Variants in MAT2A observed in about 807,000 individuals in gnomAD.
MAT2A encodes S-adenosylmethionine synthase isoform type-2.
A neutral mutation model predicts 43.9 loss-of-function variants in MAT2A; 3 were observed. The ratio of observed to expected loss-of-function variants is 0.07; its 90% CI spans 0.03 to 0.18. The LOEUF (loss-of-function observed/expected upper bound fraction) is 0.18. Among genes scored for constraint, MAT2A ranks in the 10% least tolerant of loss-of-function variants. The probability of loss-of-function intolerance (pLI) is 1.00; values close to 1 mark genes in which losing one functional copy is unlikely to be tolerated. For missense variants in MAT2A, 204 were observed against 489.0 expected (o/e 0.42, Z 5.50); for synonymous variants, 200 against 168.4 (o/e 1.19, Z -1.45).
In MAT2A at chr2:85,539,308, C is replaced by G. The variant is rs1375245079; in HGVS notation, c.21C>G (p.Gly7=). Reference sequence around the variant, plus strand: ...CCAACATGAACGGACAGCTCAACGGCTTCCACGAGGCGTTCATCGAGGAGG... The same window carrying G: ...CCAACATGAACGGACAGCTCAACGGGTTCCACGAGGCGTTCATCGAGGAGG... MNGQLN[G]FHEAFIEEGT... is the part of the protein sequence containing the mutation. Residue 7 remains glycine, a synonymous_variant, in exon 1 of 9, where the codon GGC becomes GGG. Transcript: ENST00000306434. 2.5e-6 allele frequency: 4 copies of G among 1,605,708 alleles called. 1 individual carries two copies. In the South Asian group the frequency reaches 3.3e-5, roughly 13 times the overall value.
At chr2:85,539,451 G>T in intron 1 of MAT2A, 73 bp downstream of exon 1, 1 of 1,247,756 alleles carries the variant, frequency 8.0e-7, no homozygotes, top group Non-Finnish European at 1.1e-6. Flanking sequence ...GCTGCGGCCG[G>T]CCGGTGGTGG....
intron 5 of MAT2A, 33 bp downstream of exon 5, chr2:85,542,005 T>G (rs371551328): frequency 1.9e-6 from 3 of 1,605,768 alleles, no homozygotes; most frequent in Non-Finnish European, 2.6e-6. Context: ...GGTTGTCTCA[T>G]TTATTACATC....
At chr2:85,539,725 TC>T (rs1691413875) in intron 1 of MAT2A, 1 of 173,738 alleles carries the variant, frequency 5.8e-6, no homozygotes, top group Non-Finnish European at 1.2e-5. Context: ...GGCCCTGCCG[TC>T]TGACAAACCT....
In MAT2A at chr2:85,539,455, G is replaced by T. The variant is rs1026697988; in HGVS notation, c.91+77G>T. 9 of 1,202,478 alleles carry T rather than the reference G, an allele frequency of 7.5e-6. 1 individual carries two copies. The highest frequency in any genetic ancestry group is 1.0e-5 in the Non-Finnish European group (9 of 868,622). 74.5% of individuals were successfully genotyped at this position (1,202,478 alleles called of 1,614,324 possible). A position where few individuals can be genotyped will look rare whatever the true frequency, so the allele number is the denominator to read the frequency against. On this transcript the variant is annotated intron_variant, in intron 1 of 8. Coordinates refer to ENST00000306434, the MANE Select transcript of MAT2A (RefSeq NM_005911.6). ...AGGTCCGGCTGGCTGCGGCCGGCCG[G>T]TGGTGGGGCCCGCGCGGGTCGTCCT...
chr2:85,540,045 C>T (rs1691426639), intron 1 of MAT2A: 4 of 152,284 alleles, frequency 2.6e-5, no homozygotes, highest in Admixed American at 2.6e-4. Context: ...AGAAGGCAGT[C>T]CTTATTTGGA....
At chr2:85,539,923 C>G (rs1573306912) in intron 1 of MAT2A, 1 of 153,428 alleles carries the variant, frequency 6.5e-6, no homozygotes, top group Non-Finnish European at 1.5e-5. Flanking sequence ...TCTGGCTCCA[C>G]TGCCTCAGTG....
intron 8 of MAT2A, chr2:85,543,375 G>A (rs1252910367): frequency 1.4e-5 from 6 of 416,202 alleles, no homozygotes; most frequent in South Asian, 1.3e-4. Flanking sequence ...TGTGGGCGGC[G>A]GGACCTTGGT....
rs1221427859 is a variant in MAT2A, at chr2:85,542,246, G to T, written c.641G>T (p.Cys214Phe). The part of the protein sequence containing the change: ...VISVQHDEEV[C>F]LDEMRDALKE... ...TCTGTTCAGCATGATGAAGAGGTTT[G>T]TCTTGATGAAATGAGGGATGCCCTA... The change falls in exon 6 of 9, where the codon TGT becomes TTT. Residue 214 changes from cysteine (C) to phenylalanine (F), a missense_variant. Transcript: ENST00000306434. 6.2e-7 allele frequency: 1 copy of T among 1,614,154 alleles called. No individual in the cohort carries two copies.
In MAT2A at chr2:85,544,236, T is replaced by C. The variant is rs1691551530; in HGVS notation, c.*464T>C. On this transcript the variant is annotated 3_prime_UTR_variant, in exon 9 of 9. Coordinates refer to ENST00000306434, the MANE Select transcript of MAT2A (RefSeq NM_005911.6). ...GAATTTGTAATGTCTTGAGCTCTATTATGAATGTGAAGCCTTCCCCTTATC... is the reference window on the plus strand; with the variant it reads ...GAATTTGTAATGTCTTGAGCTCTATCATGAATGTGAAGCCTTCCCCTTATC... 2 of 153,018 alleles carry C rather than the reference T, an allele frequency of 1.3e-5. No individual in the cohort carries two copies. The highest frequency in any genetic ancestry group is 6.5e-5 in the Admixed American group (1 of 15,282). The allele number at this position is 153,018 out of a possible 1,614,324, so 9.5% of individuals were successfully genotyped here. A position where few individuals can be genotyped will look rare whatever the true frequency, so the allele number is the denominator to read the frequency against.
chr2:85,539,325 T>C lies in MAT2A; in HGVS notation c.38T>C (p.Ile13Thr). Reference sequence around the variant, plus strand: ...CTCAACGGCTTCCACGAGGCGTTCATCGAGGAGGGCACATTCCTTTTCACC... The same window carrying C: ...CTCAACGGCTTCCACGAGGCGTTCACCGAGGAGGGCACATTCCTTTTCACC... ...GQLNGFHEAF[I>T]EEGTFLFTSE... is the part of the protein sequence containing the mutation. The change falls in exon 1 of 9, where the codon ATC becomes ACC. Residue 13 changes from isoleucine (I) to threonine (T), a missense_variant. By Grantham distance (89) the Ile-to-Thr change is moderately conservative. This residue lies in a region of MAT2A where 36 missense variants were observed against 24.2 expected (regional missense o/e 1.49). Coordinates refer to ENST00000306434, the MANE Select transcript of MAT2A (RefSeq NM_005911.6). 1 of 1,606,906 alleles carries C rather than the reference T, an allele frequency of 6.2e-7. No individual in the cohort carries two copies. Among genetic ancestry groups the C allele is most frequent in the Non-Finnish European group, 8.5e-7 (1 of 1,177,096 alleles).
At chr2:85,542,524 A>G (rs974745913) in intron 6 of MAT2A, 41 bp from the exon 7 acceptor site, 10 of 1,585,138 alleles carry the variant, frequency 6.3e-6, no homozygotes, top group Middle Eastern at 1.7e-4. Flanking sequence ...ATCCACTTGG[A>G]AAGCACTAGG....
chr2:85,539,929 C>T (rs1050488124), intron 1 of MAT2A: 5 of 153,410 alleles, frequency 3.3e-5, no homozygotes, highest in African/African-American at 1.2e-4. Flanking sequence ...TCCACTGCCT[C>T]AGTGGTTAGG....
Position 85,541,258 on chromosome 2 carries a change from CTG to C in MAT2A, c.175_176del (p.Val59CysfsTer2), listed in dbSNP as rs2103916492. On this transcript the variant is annotated frameshift_variant, in exon 3 of 9. Transcript: ENST00000306434. LOFTEE classifies it high-confidence loss of function. ...GTTGAATGTCTCTTTTTATTAGAAA[CTG>C]TTGCTAAAACTGGAATGATCCTTCT... The C allele has an allele frequency of 6.2e-7, 1 of 1,613,784 alleles. No individual in the cohort carries two copies. Among genetic ancestry groups the C allele is most frequent in the Non-Finnish European group, 8.5e-7 (1 of 1,179,900 alleles).
At chr2:85,540,070 G>A (rs1691427390) in intron 1 of MAT2A, 1 of 152,286 alleles carries the variant, frequency 6.6e-6, no homozygotes, top group Non-Finnish European at 1.5e-5. Context: ...TTGTGAAAAG[G>A]ATGGGAAGCA....
rs577115123 is a variant in MAT2A, at chr2:85,539,650, A to G, written c.91+272A>G. On this transcript the variant is annotated intron_variant, in intron 1 of 8. Coordinates refer to ENST00000306434, the MANE Select transcript of MAT2A (RefSeq NM_005911.6). Reference sequence around the variant, plus strand: ...CATGCGGAAGGTTCCAGAAAACGTGAAGGGCGGGGGCTGTGGTCGCTAGTG... The same window carrying G: ...CATGCGGAAGGTTCCAGAAAACGTGGAGGGCGGGGGCTGTGGTCGCTAGTG... The G allele has an allele frequency of 2.5e-5, 8 of 318,366 alleles. 1 individual carries two copies. In the South Asian group the frequency reaches 2.7e-4, roughly 11 times the overall value. The allele number at this position is 318,366 out of a possible 1,614,324, so 19.7% of individuals were successfully genotyped here.
At position 85,542,630 on chromosome 2, in the gene MAT2A, A is replaced by AG; in HGVS notation, c.836dup (p.Gly280ArgfsTer28). The AG allele has an allele frequency of 6.2e-7, 1 of 1,613,912 alleles. No homozygotes were observed. The highest frequency in any genetic ancestry group is 8.5e-7 in the Non-Finnish European group (1 of 1,179,942). On this transcript the variant is annotated frameshift_variant, in exon 7 of 9. Coordinates refer to ENST00000306434, the MANE Select transcript of MAT2A (RefSeq NM_005911.6). LOFTEE classifies it high-confidence loss of function. Reference sequence around the variant, plus strand: ...CTTATGGCGGTTGGGGTGCTCATGGAGGAGGTGCCTTTTCAGGAAAGGATT... The same window carrying AG: ...CTTATGGCGGTTGGGGTGCTCATGGAGGGAGGTGCCTTTTCAGGAAAGGATT...
In MAT2A at chr2:85,543,964, T is replaced by G. The variant is rs2103921854; in HGVS notation, c.*192T>G. The G allele has an allele frequency of 1.9e-6, 1 of 520,878 alleles. No individual in the cohort carries two copies. The highest frequency in any genetic ancestry group is 3.6e-5 in the Admixed American group (1 of 27,592). The allele number at this position is 520,878 out of a possible 1,614,324, so 32.3% of individuals were successfully genotyped here. On this transcript the variant is annotated 3_prime_UTR_variant, in exon 9 of 9. Transcript: ENST00000306434. ...TAAGTTGGGCTTGCTATTCTGTCCC[T>G]AGGTGTTTTGTTCACCATTATAATG...
chr2:85,544,886 G>A lies in MAT2A; in HGVS notation c.*1114G>A, dbSNP rs1484566600. The A allele has an allele frequency of 6.6e-6, 1 of 152,500 alleles. No homozygotes were observed. Among genetic ancestry groups the A allele is most frequent in the African/African-American group, 2.4e-5 (1 of 41,392 alleles). 9.4% of individuals were successfully genotyped at this position (152,500 alleles called of 1,614,324 possible). A position where few individuals can be genotyped will look rare whatever the true frequency, so the allele number is the denominator to read the frequency against. ...TAATTGCTTATTTATTGTATTCTGG[G>A]GTATGGCGTAAGTACAGAGAAGCCA... is the stretch of plus-strand genomic sequence containing the variant. On this transcript the variant is annotated 3_prime_UTR_variant, in exon 9 of 9. Transcript: ENST00000306434.
In MAT2A at chr2:85,542,211, A is replaced by C; in HGVS notation, c.606A>C (p.Thr202=). ...CTGTGCTTCCCATCAGAGTCCACAC[A>C]ATTGTTATATCTGTTCAGCATGATG... ...RGAVLPIRVH[T]IVISVQHDEE... Residue 202 remains threonine, a synonymous_variant, in exon 6 of 9, where the codon ACA becomes ACC. Transcript: ENST00000306434. 1.9e-6 allele frequency: 3 copies of C among 1,614,178 alleles called. No individual in the cohort carries two copies. Among genetic ancestry groups the C allele is most frequent in the Non-Finnish European group, 2.5e-6 (3 of 1,180,032 alleles).
Sources: allele counts gnomAD v4.1 joint callset, GRCh38; gene constraint gnomAD v4.1.1; regional missense constraint gnomAD v4.1.1; transcripts MANE v1.5; gene names NCBI Gene and HGNC (gene_info 2026-07-23, HGNC 2026-07-21).